Variants in COQ8A observed in about 807,000 individuals in gnomAD.
The protein encoded by COQ8A is atypical kinase COQ8A, mitochondrial.
In COQ8A, 51 loss-of-function variants were observed where a neutral mutation model predicts 65.0. That is an observed-to-expected ratio of 0.78 (90% CI 0.63 to 0.99). COQ8A has a LOEUF of 0.99. Ranked by LOEUF, COQ8A falls within the 50% of genes least tolerant of loss-of-function variation. The pLI is 0.00. For synonymous variants in COQ8A, 371 were observed against 353.2 expected, an observed-to-expected ratio of 1.05 and a Z score of -0.57; for missense variants, 940 against 875.0, an observed-to-expected ratio of 1.07 and a Z score of -0.94.
chr1:226,957,059 G>C (rs150082748), intron 1 of COQ8A, among the ~76,000 whole-genome samples: 2,544 of 125,354 alleles, frequency 0.02, 171 homozygotes, highest in African/African-American at 0.077. Flanking sequence ...CACTCTCCCT[G>C]ATTCACACTC....
intron 4 of COQ8A, among the ~76,000 whole-genome samples, chr1:226,969,978 T>C (rs2148074778): frequency 6.6e-6 from 1 of 152,080 alleles, no homozygotes; most frequent in Admixed American, 6.6e-5. Context: ...GCGTCTCTCT[T>C]TTTTTTTGGA....
intron 1 of COQ8A, among the ~76,000 whole-genome samples, chr1:226,952,967 C>T (rs150451660): frequency 9.2e-5 from 14 of 152,164 alleles, no homozygotes; most frequent in African/African-American, 3.1e-4. Flanking sequence ...TTTTATTTCC[C>T]GGGAATATAT....
Position 226,983,764 on chromosome 1 carries a change from T to TA in COQ8A, c.1166_1167insA (p.Phe390ValfsTer18). 6.2e-7 allele frequency: 1 copy of TA among 1,613,100 alleles called. No individual in the cohort carries two copies. Among genetic ancestry groups the TA allele is most frequent in the Non-Finnish European group, 8.5e-7 (1 of 1,179,990 alleles). On this transcript the variant is annotated frameshift_variant, in exon 10 of 15. Transcript: ENST00000366777. LOFTEE classifies it high-confidence loss of function. ...GATGCCCTCCTCCCTGGCCCAGGCC[T>TA]GTTCCCCGAGCACCTGATCGACGTG...
chr1:226,982,760 G>C lies in COQ8A; in HGVS notation c.936G>C (p.Met312Ile). 1 of 1,613,604 alleles carries C rather than the reference G, an allele frequency of 6.2e-7. No homozygotes were observed. The highest frequency in any genetic ancestry group is 8.5e-7 in the Non-Finnish European group (1 of 1,180,008). Residue 312 changes from methionine (M) to isoleucine (I), a missense_variant, in exon 7 of 15, where the codon ATG becomes ATC. Transcript: ENST00000366777. ...QSADFMPLKQ[M>I]MKTLNNDLGP... ...CGGACTTCATGCCACTGAAGCAGAT[G>C]ATGGTGAGGAGCCAGGGGCTCTGCC... is the stretch of plus-strand genomic sequence containing the variant.
intron 5 of COQ8A, among the ~76,000 whole-genome samples, chr1:226,980,580 T>G (rs1659624199): frequency 6.6e-6 from 1 of 152,138 alleles, no homozygotes; most frequent in Admixed American, 6.5e-5. Context: ...TGGCGTCTGC[T>G]GCTGCCTAAG....
intron 5 of COQ8A, 137 bp downstream of exon 5, chr1:226,977,660 C>T: frequency 3.1e-6 from 3 of 955,952 alleles, no homozygotes; most frequent in Non-Finnish European, 4.7e-6. Flanking sequence ...AAGTGGCGTC[C>T]CTGGGGTGAT....
rs547676292 is a variant in COQ8A at position 226,965,967 on chromosome 1, C to T, written c.655+230C>T. ...TCTCCCCTGCGGGTTGGTACAGGGC[C>T]GATGCTGTGCCAGGAGCTGAGTTTG... On this transcript the variant is annotated intron_variant, in intron 4 of 14. Coordinates refer to ENST00000366777, the MANE Select transcript of COQ8A (RefSeq NM_020247.5). Among the ~76,000 whole-genome samples, 30 of 152,284 alleles carry T rather than the reference C, an allele frequency of 2.0e-4. No individual in the cohort carries two copies. In the East Asian group the frequency reaches 4.1e-3, roughly 21 times the overall value.
intron 5 of COQ8A, among the ~76,000 whole-genome samples, chr1:226,979,372 C>CG (rs769372952): frequency 1.3e-5 from 2 of 152,290 alleles, no homozygotes; most frequent in South Asian, 4.1e-4. Context: ...TCTTCAGGCA[C>CG]GGGGGGCGGG....
In COQ8A at chr1:226,965,212, C is replaced by T. The variant is rs1268591125; in HGVS notation, c.390C>T (p.Phe130=). 2 of 1,613,668 alleles carry T rather than the reference C, an allele frequency of 1.2e-6. No homozygotes were observed. Among genetic ancestry groups the T allele is most frequent in the South Asian group, 1.1e-5 (1 of 91,064 alleles). Residue 130 remains phenylalanine (F), a synonymous_variant, in exon 3 of 15, where the codon TTC becomes TTT. Coordinates refer to ENST00000366777, the MANE Select transcript of COQ8A (RefSeq NM_020247.5). Reference sequence around the variant, plus strand: ...GTGGACCCTTTAGAGAAGCCGGGTTCCCCGGCCAGGCCTCCTCCCCTCTGG... The same window carrying T: ...GTGGACCCTTTAGAGAAGCCGGGTTTCCCGGCCAGGCCTCCTCCCCTCTGG... The part of the protein sequence containing the change: ...VASGPFREAG[F]PGQASSPLGR...
rs148553416 is a variant in COQ8A at position 226,968,074 on chromosome 1, G to C, written c.655+2337G>C. On this transcript the variant is annotated intron_variant, in intron 4 of 14. Transcript: ENST00000366777. ...TCAGCATATAAAAAACAAGTTAACTGTAATCTCAGCACTTTGGGAGGCCGA... is the reference window on the plus strand; with the variant it reads ...TCAGCATATAAAAAACAAGTTAACTCTAATCTCAGCACTTTGGGAGGCCGA... 2.4e-3 allele frequency among the ~76,000 whole-genome samples: 367 copies of C among 152,320 alleles called. 2 individuals are homozygous for C. The highest frequency in any genetic ancestry group is 8.5e-3 in the African/African-American group (354 of 41,566).
Position 226,965,327 on chromosome 1 carries a change from C to T in COQ8A, c.505C>T (p.Pro169Ser). 1.2e-6 allele frequency: 2 copies of T among 1,613,632 alleles called. No homozygotes were observed. The highest frequency in any genetic ancestry group is 1.7e-6 in the Non-Finnish European group (2 of 1,179,962). ...QRRFFHQDQS[P>S]VGGLTAEDIE... ...AAGGTTCTTCCACCAGGACCAATCC[C>T]CTGTTGGGGGCCTCACAGCCGAGGA... Residue 169 changes from proline to serine, a missense_variant, in exon 3 of 15, where the codon CCT becomes TCT. Transcript: ENST00000366777.
chr1:226,978,949 C>A (rs539447497), intron 5 of COQ8A, among the ~76,000 whole-genome samples: 1 of 149,610 alleles, frequency 6.7e-6, no homozygotes, highest in African/African-American at 2.4e-5. Flanking sequence ...CACCCACACA[C>A]CTTACCCTCC....
chr1:226,983,321 G>C, intron 8 of COQ8A: 1 of 656,680 alleles, frequency 1.5e-6, no homozygotes, highest in Non-Finnish European at 2.6e-6. Flanking sequence ...GCTGGTGGGA[G>C]GGTGGCCGTG....
At chr1:226,981,886 C>T in intron 5 of COQ8A, 141 bp from the exon 6 acceptor site, 1 of 1,292,918 alleles carries the variant, frequency 7.7e-7, no homozygotes, top group Non-Finnish European at 1.1e-6. Flanking sequence ...GGACATGGAA[C>T]AGTAGTTAGT....
intron 1 of COQ8A, among the ~76,000 whole-genome samples, chr1:226,943,114 A>G (rs1486258125): frequency 6.6e-6 from 1 of 152,246 alleles, no homozygotes; most frequent in Non-Finnish European, 1.5e-5. Flanking sequence ...TGTTGCCTGT[A>G]GAAAAGGATC....
chr1:226,945,125 A>G (rs1247546002), intron 1 of COQ8A, among the ~76,000 whole-genome samples: 2 of 151,952 alleles, frequency 1.3e-5, no homozygotes, highest in Non-Finnish European at 2.9e-5. Flanking sequence ...TCTGCACTCC[A>G]GGGATGCATG....
intron 1 of COQ8A, among the ~76,000 whole-genome samples, chr1:226,953,092 T>C (rs1288083169): frequency 2.6e-5 from 4 of 152,198 alleles, no homozygotes; most frequent in African/African-American, 7.2e-5. Context: ...TGCAGTGGCA[T>C]GATCTTGGCT....
chr1:226,960,378 A>G (rs1460082196), intron 1 of COQ8A, among the ~76,000 whole-genome samples: 2 of 77,640 alleles, frequency 2.6e-5, no homozygotes, highest in Non-Finnish European at 5.2e-5. Context: ...TGGTGGTGGT[A>G]CTTGGTGGTG....
In COQ8A at chr1:226,941,774, CAA is replaced by C. The variant is rs374191145; in HGVS notation, c.-10+1390_-10+1391del. 5.8e-3 allele frequency among the ~76,000 whole-genome samples: 474 copies of C among 81,462 alleles called. 13 individuals carry two copies. In the East Asian group the frequency reaches 0.11, roughly 19 times the overall value. 53.4% of individuals were successfully genotyped at this position (81,462 alleles called of 152,430 possible). On this transcript the variant is annotated intron_variant, in intron 1 of 14. Coordinates refer to ENST00000366777, the MANE Select transcript of COQ8A (RefSeq NM_020247.5). Reference sequence around the variant, plus strand: ...TGGGCAACAGAGCGAGACTCAATCTCAAAAAAAAAAAAAAAAGGCTCAGGCAA... The same window carrying C: ...TGGGCAACAGAGCGAGACTCAATCTCAAAAAAAAAAAAAAGGCTCAGGCAA...
Sources: gnomAD v4.1 joint callset for allele counts (sites outside exome capture counted in the v4.1 genomes callset) on GRCh38, gnomAD v4.1.1 for gene constraint, MANE v1.5 for transcripts, NCBI Gene and HGNC (gene_info 2026-07-23, HGNC 2026-07-21) for gene names.